SLC5A3: variants seen among roughly 807,000 people sequenced by gnomAD.
The protein encoded by SLC5A3 is solute carrier family 5 member 3, also known as sodium/myo-inositol cotransporter.
In SLC5A3, 10 loss-of-function variants were observed where a neutral mutation model predicts 43.2. The ratio of observed to expected loss-of-function variants is 0.23; its 90% CI spans 0.14 to 0.39. SLC5A3 has a LOEUF of 0.39. Among genes scored for constraint, SLC5A3 ranks in the 10% least tolerant of loss-of-function variants. The probability of loss-of-function intolerance (pLI) is 1.00; values close to 1 mark genes in which losing one functional copy is unlikely to be tolerated. For missense variants in SLC5A3, 608 were observed against 893.4 expected (o/e 0.68, Z 4.07); for synonymous variants, 349 against 322.0 (o/e 1.08, Z -0.90).
chr21:34,075,671 T>C (rs912728765), intron 1 of SLC5A3, among the ~76,000 whole-genome samples: 6 of 152,228 alleles, frequency 3.9e-5, no homozygotes, highest in Non-Finnish European at 5.9e-5. Context: ...GAAGTTATGT[T>C]GAGGAGATCC....
At chr21:34,079,389 T>G (rs141490050) in intron 1 of SLC5A3, among the ~76,000 whole-genome samples, 7 of 152,244 alleles carry the variant, frequency 4.6e-5, no homozygotes, top group African/African-American at 1.7e-4. Flanking sequence ...TTTCTTGGCT[T>G]CTTATGCTGC....
chr21:34,102,587 C>CTTAACCAA lies in SLC5A3; in HGVS notation c.*5233_*5234insTAACCAAT. 1 of 1,000,042 alleles carries CTTAACCAA rather than the reference C, an allele frequency of 1.0e-6. No homozygotes were observed. Among genetic ancestry groups the CTTAACCAA allele is most frequent in the Non-Finnish European group, 1.2e-6 (1 of 829,790 alleles). 61.9% of individuals were successfully genotyped at this position (1,000,042 alleles called of 1,614,324 possible). A position where few individuals can be genotyped will look rare whatever the true frequency, so the allele number is the denominator to read the frequency against. On this transcript the variant is annotated 3_prime_UTR_variant, in exon 2 of 2. Coordinates refer to ENST00000381151, the MANE Select transcript of SLC5A3 (RefSeq NM_006933.7). ...GGGCAGTACCATACATAGTCTGAGG[C>CTTAACCAA]TATTGACTTAAACCAATAACTGTAC...
chr21:34,099,262 G>C lies in SLC5A3; in HGVS notation c.*1907G>C. ...AATAGATAGAGCTCATCATTTTCTT[G>C]TTTGGAAGTTGAGGCTGCGACATGT... On this transcript the variant is annotated 3_prime_UTR_variant, in exon 2 of 2. Coordinates refer to ENST00000381151, the MANE Select transcript of SLC5A3 (RefSeq NM_006933.7). 1.0e-6 allele frequency: 1 copy of C among 1,000,128 alleles called. No homozygotes were observed. Among genetic ancestry groups the C allele is most frequent in the African/African-American group, 1.7e-5 (1 of 57,320 alleles). The allele number at this position is 1,000,128 out of a possible 1,614,324, so 62.0% of individuals were successfully genotyped here.
At chr21:34,074,127 C>G (rs1461542232) in intron 1 of SLC5A3, among the ~76,000 whole-genome samples, 1 of 148,800 alleles carries the variant, frequency 6.7e-6, no homozygotes, top group African/African-American at 2.4e-5. Flanking sequence ...TCCGGCCCGT[C>G]CCCGCCAGTC....
chr21:34,083,318 G>C (rs998602752), intron 1 of SLC5A3, among the ~76,000 whole-genome samples: 6 of 152,198 alleles, frequency 3.9e-5, no homozygotes, highest in African/African-American at 1.2e-4. Flanking sequence ...GAAAGGTGCA[G>C]AATCAGTGTA....
chr21:34,097,231 T>G lies in SLC5A3; in HGVS notation c.2033T>G (p.Met678Arg), dbSNP rs781226805. 1 of 1,614,060 alleles carries G rather than the reference T, an allele frequency of 6.2e-7. No individual in the cohort carries two copies. Among genetic ancestry groups the G allele is most frequent in the South Asian group, 1.1e-5 (1 of 91,078 alleles). ...AGCAAGAGGAGTCTCAGAGACCTGA[T>G]GGAAGAGGAGGCTGTTTGTTTACAG... ...SLSKRSLRDL[M>R]EEEAVCLQML... Residue 678 changes from methionine (M) to arginine (R), a missense_variant, in exon 2 of 2, where the codon ATG becomes AGG. Physicochemically the swap from Met to Arg is moderately conservative, Grantham distance 91. Transcript: ENST00000381151.
At position 34,092,029 on chromosome 21, in the gene SLC5A3, T is replaced by G. The variant is rs550655022; in HGVS notation, c.-336-2834T>G. Among the ~76,000 whole-genome samples, 10 of 152,236 alleles carry G rather than the reference T, an allele frequency of 6.6e-5. No individual in the cohort carries two copies. The East Asian group carries it at 1.9e-3, about 29-fold the overall frequency. Reference sequence around the variant, plus strand: ...TAAAAAGCCTCATGTTAGCTGAAGATTCTTCCATGTGTATTCTTATAAAAA... The same window carrying G: ...TAAAAAGCCTCATGTTAGCTGAAGAGTCTTCCATGTGTATTCTTATAAAAA... On this transcript the variant is annotated intron_variant, in intron 1 of 1. Coordinates refer to ENST00000381151, the MANE Select transcript of SLC5A3 (RefSeq NM_006933.7).
rs16991205 is a variant in SLC5A3 at position 34,100,702 on chromosome 21, C to G, written c.*3347C>G. The G allele has an allele frequency of 5.2e-4, 523 of 1,000,198 alleles. 7 individuals carry two copies. In the East Asian group the frequency reaches 0.036, roughly 68 times the overall value. The allele number at this position is 1,000,198 out of a possible 1,614,324, so 62.0% of individuals were successfully genotyped here. ...TGTTATGCACTTCTGTAACTTGAGG[C>G]TAAGCAAGGGGTTAACTCTTGTGAG... is the stretch of plus-strand genomic sequence containing the variant. On this transcript the variant is annotated 3_prime_UTR_variant, in exon 2 of 2. Transcript: ENST00000381151.
intron 1 of SLC5A3, among the ~76,000 whole-genome samples, chr21:34,075,508 A>C (rs932349855): frequency 1.3e-5 from 2 of 152,214 alleles, no homozygotes; most frequent in Non-Finnish European, 2.9e-5. Flanking sequence ...AATAATAAAT[A>C]ACCTTCCTTG....
intron 1 of SLC5A3, among the ~76,000 whole-genome samples, chr21:34,093,293 T>C (rs1978802517): frequency 6.6e-6 from 1 of 151,768 alleles, no homozygotes; most frequent in Non-Finnish European, 1.5e-5. Flanking sequence ...ATGCCAGCCG[T>C]TGACACTTAG....
In SLC5A3 at chr21:34,082,079, A is replaced by G. The variant is rs570114922; in HGVS notation, c.-337+8334A>G. Among the ~76,000 whole-genome samples the G allele has an allele frequency of 1.1e-3, 171 of 151,680 alleles. 1 individual carries two copies. The highest frequency in any genetic ancestry group is 3.9e-3 in the African/African-American group (160 of 41,234). On this transcript the variant is annotated intron_variant, in intron 1 of 1. Transcript: ENST00000381151. ...GGTTTTTTTTTTTTTGATGTTGCCA[A>G]CTAATTGAATACTTAGGTACCATGG...
In SLC5A3 at chr21:34,075,949, C is replaced by T. The variant is rs117543794; in HGVS notation, c.-337+2204C>T. 5.8e-3 allele frequency among the ~76,000 whole-genome samples: 881 copies of T among 152,324 alleles called. 8 individuals carry two copies. Among genetic ancestry groups the T allele is most frequent in the Non-Finnish European group, 0.011 (719 of 68,030 alleles). On this transcript the variant is annotated intron_variant, in intron 1 of 1. Coordinates refer to ENST00000381151, the MANE Select transcript of SLC5A3 (RefSeq NM_006933.7). Reference sequence around the variant, plus strand: ...GCCTTGGAGAAACCACAGTTCTAACCCGAGGCACTTTGTGCTTCTGTTGCA... The same window carrying T: ...GCCTTGGAGAAACCACAGTTCTAACTCGAGGCACTTTGTGCTTCTGTTGCA...
intron 1 of SLC5A3, 48 bp downstream of exon 1, chr21:34,073,793 C>T: frequency 7.2e-7 from 1 of 1,395,388 alleles, no homozygotes. Flanking sequence ...GGCGCCCCCG[C>T]TGCCGCTAGG....
Position 34,100,099 on chromosome 21 carries a change from G to GC in SLC5A3, c.*2745dup. On this transcript the variant is annotated 3_prime_UTR_variant, in exon 2 of 2. Coordinates refer to ENST00000381151, the MANE Select transcript of SLC5A3 (RefSeq NM_006933.7). Reference sequence around the variant, plus strand: ...TGTGTATATTTTTATATTAGCTCAAGCTAAGGTTCAGAATTGAAGCTTGAT... The same window carrying GC: ...TGTGTATATTTTTATATTAGCTCAAGCCTAAGGTTCAGAATTGAAGCTTGAT... 2 of 999,256 alleles carry GC rather than the reference G, an allele frequency of 2.0e-6. No individual in the cohort carries two copies. The highest frequency in any genetic ancestry group is 6.1e-5 in the Admixed American group (1 of 16,284). 61.9% of individuals were successfully genotyped at this position (999,256 alleles called of 1,614,324 possible).
At chr21:34,082,996 C>T (rs574057192) in intron 1 of SLC5A3, among the ~76,000 whole-genome samples, 1 of 152,154 alleles carries the variant, frequency 6.6e-6, no homozygotes, top group Admixed American at 6.5e-5. Context: ...GCAAAACTTT[C>T]TTTATTGGAG....
intron 1 of SLC5A3, among the ~76,000 whole-genome samples, chr21:34,093,071 A>G (rs1427752876): frequency 6.6e-6 from 1 of 152,212 alleles, no homozygotes; most frequent in African/African-American, 2.4e-5. Context: ...AATGTTTACT[A>G]GTCATCTGAT....
intron 1 of SLC5A3, among the ~76,000 whole-genome samples, chr21:34,085,115 C>T (rs1024948910): frequency 4.6e-5 from 7 of 152,250 alleles, no homozygotes; most frequent in African/African-American, 1.4e-4. Context: ...TGTTTTAATT[C>T]AGTATTCAAT....
At chr21:34,074,659 T>C (rs1989281414) in intron 1 of SLC5A3, among the ~76,000 whole-genome samples, 1 of 152,170 alleles carries the variant, frequency 6.6e-6, no homozygotes. Flanking sequence ...TTCGGTAACG[T>C]AGTTTGGTGT....
Position 34,097,167 on chromosome 21 carries a change from T to C in SLC5A3, c.1969T>C (p.Phe657Leu), listed in dbSNP as rs368773190. The C allele has an allele frequency of 6.2e-7, 1 of 1,614,062 alleles. No homozygotes were observed. The highest frequency in any genetic ancestry group is 1.7e-5 in the Admixed American group (1 of 60,014). The change falls in exon 2 of 2, where the codon TTC (phenylalanine) becomes CTC (leucine). Residue 657 changes from phenylalanine to leucine, a missense_variant. Phe to Leu is a conservative substitution (Grantham distance 22). Around this residue, in one of 2 missense-constraint regions of SLC5A3, gnomAD observed 210 missense variants for 224.8 expected, o/e 0.93. Coordinates refer to ENST00000381151, the MANE Select transcript of SLC5A3 (RefSeq NM_006933.7). ...ETDDGGRYWK[F>L]IDWFCGFKSK... ...GGATGATGGAGGTCGGTACTGGAAG[T>C]TCATAGACTGGTTTTGTGGCTTTAA...
Sources: gnomAD v4.1 joint callset for allele counts (sites outside exome capture counted in the v4.1 genomes callset) on GRCh38, gnomAD v4.1.1 for gene constraint, gnomAD v4.1.1 regional missense constraint, MANE v1.5 for transcripts, NCBI Gene and HGNC (gene_info 2026-07-23, HGNC 2026-07-21) for gene names.